The following OSBPL1A variants were observed in gnomAD, a reference collection of about 807,000 sequenced individuals.
The protein encoded by OSBPL1A is oxysterol-binding protein-related protein 1.
OSBPL1A carries 80 observed loss-of-function variants against 137.1 expected under a neutral mutation model. The observed-to-expected ratio is 0.58, with a 90% CI of 0.49 to 0.70. The LOEUF is 0.70. OSBPL1A is among the 30% of genes least tolerant of loss of function. The probability of loss-of-function intolerance (pLI) is 0.00; values close to 1 mark genes in which losing one functional copy is unlikely to be tolerated. For synonymous variants in OSBPL1A, 365 were observed against 389.7 expected, an observed-to-expected ratio of 0.94 and a Z score of 0.75; for missense variants, 970 against 1,129.4, an observed-to-expected ratio of 0.86 and a Z score of 2.02.
intron 19 of OSBPL1A, 135 bp from the exon 20 acceptor site, chr18:24,179,970 G>A: frequency 1.5e-6 from 1 of 670,972 alleles, no homozygotes; most frequent in East Asian, 2.7e-5. Flanking sequence ...GTTTTAATAT[G>A]GCTCTAGCAG....
chr18:24,287,727 G>A (rs1274151217), intron 14 of OSBPL1A, among the ~76,000 whole-genome samples: 4 of 150,318 alleles, frequency 2.7e-5, no homozygotes, highest in African/African-American at 7.4e-5. Context: ...AGCCGAGATC[G>A]TGCCACTGCA....
intron 21 of OSBPL1A, among the ~76,000 whole-genome samples, chr18:24,176,855 G>A (rs1168794482): frequency 5.3e-5 from 8 of 152,078 alleles, no homozygotes; most frequent in Non-Finnish European, 1.2e-4. Flanking sequence ...AGGGATGAGC[G>A]TAGGAACTCA....
At chr18:24,354,548 G>A (rs2091498299) in intron 4 of OSBPL1A, among the ~76,000 whole-genome samples, 1 of 151,986 alleles carries the variant, frequency 6.6e-6, no homozygotes, top group East Asian at 1.9e-4. Context: ...CATAGCAACA[G>A]AGATAAATGA....
intron 17 of OSBPL1A, among the ~76,000 whole-genome samples, chr18:24,220,331 G>A (rs2087848312): frequency 6.6e-6 from 1 of 152,340 alleles, no homozygotes; most frequent in Middle Eastern, 3.4e-3. Flanking sequence ...GCTTGGGAGA[G>A]TTGAGATAGG....
intron 17 of OSBPL1A, among the ~76,000 whole-genome samples, chr18:24,206,927 T>C (rs2087391656): frequency 6.6e-6 from 1 of 152,210 alleles, no homozygotes; most frequent in South Asian, 2.1e-4. Context: ...AGAGACTATG[T>C]CTTATTCTCC....
At chr18:24,197,790 T>TC (rs1291323126) in intron 17 of OSBPL1A, among the ~76,000 whole-genome samples, 2 of 147,922 alleles carry the variant, frequency 1.4e-5, no homozygotes, top group African/African-American at 4.9e-5. Flanking sequence ...TCTTTTCTTT[T>TC]TTTTTTTTTT....
rs556165736 is a variant in OSBPL1A at position 24,377,677 on chromosome 18, G to A, written c.-2-142C>T. 6.9e-5 allele frequency: 60 copies of A among 865,158 alleles called. 1 individual carries two copies. The highest frequency in any genetic ancestry group is 9.5e-5 in the Non-Finnish European group (56 of 588,652). The allele number at this position is 865,158 out of a possible 1,614,324, so 53.6% of individuals were successfully genotyped here. ...CAACAACTGAATAAATCCGTTGCAG[G>A]GTGAGAACTTGAGCCTGAGACCCCT... On this transcript the variant is annotated intron_variant, in intron 1 of 27. Transcript: ENST00000319481.
At position 24,280,900 on chromosome 18, in the gene OSBPL1A, G is replaced by A. The variant is rs1272964855; in HGVS notation, c.1223C>T (p.Ser408Phe). The change falls in exon 15 of 28, where the codon TCT becomes TTT. Residue 408 changes from serine (S) to phenylalanine (F), a missense_variant. Ser to Phe is a radical substitution (Grantham distance 155, BLOSUM62 -2). Coordinates refer to ENST00000319481, the MANE Select transcript of OSBPL1A (RefSeq NM_080597.4). ...AGTCAAAGCTACACAAGTTTCTCTA[G>A]AAGCTTCTGAGACAACTTCAACTTT... is the stretch of plus-strand genomic sequence containing the variant. ...LQKVEVVSEASRETCVALTDC... is the reference protein window; with the variant it reads ...LQKVEVVSEAFRETCVALTDC... The A allele has an allele frequency of 1.2e-6, 2 of 1,610,136 alleles. No homozygotes were observed. Among genetic ancestry groups the A allele is most frequent in the Admixed American group, 1.7e-5 (1 of 59,278 alleles).
intron 4 of OSBPL1A, among the ~76,000 whole-genome samples, chr18:24,354,914 T>G (rs1214845592): frequency 6.6e-6 from 1 of 152,094 alleles, no homozygotes; most frequent in Non-Finnish European, 1.5e-5. Context: ...AACCTGCCAC[T>G]CATTACCATA....
At chr18:24,197,854 C>G (rs1329236569) in intron 17 of OSBPL1A, among the ~76,000 whole-genome samples, 1 of 137,592 alleles carries the variant, frequency 7.3e-6, no homozygotes, top group African/African-American at 2.7e-5. Context: ...GTGGTGTGAT[C>G]TCAGCTCACT....
At position 24,395,333 on chromosome 18, in the gene OSBPL1A, C is replaced by T. The variant is rs548905112; in HGVS notation, c.-3+2322G>A. On this transcript the variant is annotated intron_variant, in intron 1 of 27. Coordinates refer to ENST00000319481, the MANE Select transcript of OSBPL1A (RefSeq NM_080597.4). The stretch of plus-strand genomic sequence containing the variant: ...CATTTGGCTGATTTCTACTTTCTGC[C>T]TACTACTTTTCTCAATGAAAACATA... 1.2e-4 allele frequency among the ~76,000 whole-genome samples: 19 copies of T among 152,288 alleles called. 1 individual carries two copies. The South Asian group carries it at 3.9e-3, about 32-fold the overall frequency.
At chr18:24,254,318 C>A (rs1450073896) in intron 15 of OSBPL1A, among the ~76,000 whole-genome samples, 4 of 152,268 alleles carry the variant, frequency 2.6e-5, no homozygotes, top group Middle Eastern at 6.8e-3. Context: ...AAAGAAACAT[C>A]AGACTTAATC....
chr18:24,220,923 G>A (rs2087868458), intron 17 of OSBPL1A, among the ~76,000 whole-genome samples: 1 of 151,924 alleles, frequency 6.6e-6, no homozygotes, highest in African/African-American at 2.4e-5. Context: ...TGGGACTACA[G>A]GCGTGTGCCA....
At chr18:24,334,445 AATGCAGTT>A in intron 5 of OSBPL1A, 115 bp from the exon 6 acceptor site, 1 of 614,664 alleles carries the variant, frequency 1.6e-6, no homozygotes, top group Non-Finnish European at 2.6e-6. Flanking sequence ...TTGTAATTCA[AATGCAGTT>A]AAAATTTATT....
rs1361697447 is a variant in OSBPL1A at position 24,317,354 on chromosome 18, T to C, written c.779A>G (p.His260Arg). The C allele has an allele frequency of 1.9e-6, 3 of 1,613,846 alleles. No individual in the cohort carries two copies. The highest frequency in any genetic ancestry group is 2.5e-6 in the Non-Finnish European group (3 of 1,179,832). ...TTTCCTATACCATGAAAGGACTCCA[T>C]GCTCTAACACTACCCAGAATAATCT... ...GWRLFWVVLEHGVLSWYRKQP... is the reference protein window; with the variant it reads ...GWRLFWVVLERGVLSWYRKQP... Residue 260 changes from histidine (H) to arginine (R), a missense_variant, in exon 10 of 28, where the codon CAT (histidine) becomes CGT (arginine). Transcript: ENST00000319481.
intron 1 of OSBPL1A, among the ~76,000 whole-genome samples, chr18:24,395,315 C>G (rs937082694): frequency 2.6e-5 from 4 of 152,192 alleles, no homozygotes; most frequent in African/African-American, 9.6e-5. Context: ...ATTCATTTGG[C>G]TGATTTCTAC....
Position 24,163,267 on chromosome 18 carries a change from C to T in OSBPL1A, c.2765G>A (p.Gly922Asp). The change falls in exon 28 of 28, where the codon GGT becomes GAT. Residue 922 changes from glycine (G) to aspartate (D), a missense_variant. This residue lies in a region of OSBPL1A where 323 missense variants were observed against 456.8 expected (regional missense o/e 0.71). Transcript: ENST00000319481. ...CTGTGCTCCATTGTAGGGATTAGGACCTTGATGGAACCACCTGTTAAAAGA... is the reference window on the plus strand; with the variant it reads ...CTGTGCTCCATTGTAGGGATTAGGATCTTGATGGAACCACCTGTTAAAAGA... ...EDWKTRWFHQGPNPYNGAQDW... is the reference protein window; with the variant it reads ...EDWKTRWFHQDPNPYNGAQDW... The T allele has an allele frequency of 6.2e-7, 1 of 1,608,788 alleles. No individual in the cohort carries two copies. The highest frequency in any genetic ancestry group is 8.5e-7 in the Non-Finnish European group (1 of 1,177,998).
intron 5 of OSBPL1A, among the ~76,000 whole-genome samples, chr18:24,338,118 G>C (rs998302952): frequency 6.6e-6 from 1 of 151,242 alleles, no homozygotes; most frequent in African/African-American, 2.4e-5. Flanking sequence ...TGTTGGCCAG[G>C]CGGGAGTGCA....
chr18:24,185,328 CTTTT>C (rs200202342), intron 18 of OSBPL1A, among the ~76,000 whole-genome samples: 2 of 139,882 alleles, frequency 1.4e-5, no homozygotes, highest in East Asian at 2.1e-4. Context: ...ATTCTTTTTT[CTTTT>C]TTTTTTTTTT....
Sources: gnomAD v4.1 joint callset for allele counts (sites outside exome capture counted in the v4.1 genomes callset) on GRCh38, gnomAD v4.1.1 for gene constraint, gnomAD v4.1.1 regional missense constraint, MANE v1.5 for transcripts, NCBI Gene and HGNC (gene_info 2026-07-23, HGNC 2026-07-21) for gene names.